The following ASAP1 variants were observed in gnomAD, a reference collection of about 807,000 sequenced individuals.
ASAP1 encodes the protein arf-GAP with SH3 domain, ANK repeat and PH domain-containing protein 1.
Under a neutral mutation model 145.2 loss-of-function variants are expected in ASAP1, and 43 were observed. That is an observed-to-expected ratio of 0.30 (90% CI 0.23 to 0.38). The LOEUF (loss-of-function observed/expected upper bound fraction) is 0.38, where lower values mean the gene tolerates loss of function less well. Ranked by LOEUF, ASAP1 falls within the 10% of genes least tolerant of loss-of-function variation. The pLI, the probability that ASAP1 is intolerant of heterozygous loss-of-function variation, is 1.00. For synonymous variants in ASAP1, 546 were observed against 515.5 expected (o/e 1.06, Z -0.80); for missense variants, 1,018 against 1,355.3 (o/e 0.75, Z 3.91).
chr8:130,389,563 G>A (rs768319798), intron 2 of ASAP1, among the ~76,000 whole-genome samples: 1 of 152,148 alleles, frequency 6.6e-6, no homozygotes, highest in Non-Finnish European at 1.5e-5. Context: ...TATACTCCAA[G>A]AAACCCCAGT....
chr8:130,441,519 G>A (rs1469249713), intron 1 of ASAP1, among the ~76,000 whole-genome samples: 1 of 152,202 alleles, frequency 6.6e-6, no homozygotes, highest in African/African-American at 2.4e-5. Context: ...CTGAGACCTA[G>A]GTGGGGAAAT....
intron 2 of ASAP1, among the ~76,000 whole-genome samples, chr8:130,374,470 G>A (rs1272469255): frequency 6.6e-6 from 1 of 152,202 alleles, no homozygotes; most frequent in Non-Finnish European, 1.5e-5. Flanking sequence ...AAAAGTTCAA[G>A]ACTAGGCCGG....
At chr8:130,172,168 C>T (rs754037322) in intron 9 of ASAP1, among the ~76,000 whole-genome samples, 4 of 152,158 alleles carry the variant, frequency 2.6e-5, no homozygotes, top group Non-Finnish European at 4.4e-5. Context: ...TTAGCATGTG[C>T]TCAAGAAATC....
At chr8:130,373,116 A>ACACG in intron 2 of ASAP1, among the ~76,000 whole-genome samples, 1 of 68,820 alleles carries the variant, frequency 1.5e-5, no homozygotes, top group Non-Finnish European at 3.1e-5. Flanking sequence ...ACATATACAC[A>ACACG]CACACACACA....
chr8:130,071,317 A>G (rs986362415), intron 27 of ASAP1, among the ~76,000 whole-genome samples: 3 of 152,172 alleles, frequency 2.0e-5, no homozygotes, highest in Non-Finnish European at 4.4e-5. Context: ...AACTGTAACC[A>G]TGTTTTTAAA....
intron 4 of ASAP1, among the ~76,000 whole-genome samples, chr8:130,228,043 T>C (rs912448688): frequency 6.6e-6 from 1 of 152,164 alleles, no homozygotes; most frequent in Non-Finnish European, 1.5e-5. Context: ...CCCCTTTGGG[T>C]ATAAACAGTG....
At chr8:130,169,131 T>A (rs1444214575) in intron 9 of ASAP1, 64 bp from the exon 10 acceptor site, 1 of 1,044,194 alleles carries the variant, frequency 9.6e-7, no homozygotes, top group Non-Finnish European at 1.4e-6. Context: ...TGTTTCCTTA[T>A]GTGGAAATAA....
intron 5 of ASAP1, among the ~76,000 whole-genome samples, chr8:130,208,022 C>T (rs72722381): frequency 0.035 from 5,277 of 152,258 alleles, 124 homozygotes; most frequent in Middle Eastern, 0.065. Context: ...ACAATGTATA[C>T]TAAACACTTT....
intron 1 of ASAP1, among the ~76,000 whole-genome samples, chr8:130,432,587 G>A (rs1227449939): frequency 6.6e-6 from 1 of 152,038 alleles, no homozygotes; most frequent in African/African-American, 2.4e-5. Flanking sequence ...GTAGGTGCTT[G>A]GTGTCTCATT....
intron 3 of ASAP1, among the ~76,000 whole-genome samples, chr8:130,327,924 G>A (rs937362027): frequency 6.6e-6 from 1 of 152,118 alleles, no homozygotes; most frequent in South Asian, 2.1e-4. Context: ...TTTAAATGAT[G>A]GTTTGGTAGA....
intron 3 of ASAP1, among the ~76,000 whole-genome samples, chr8:130,350,176 A>G (rs1825916969): frequency 6.6e-6 from 1 of 152,216 alleles, no homozygotes; most frequent in African/African-American, 2.4e-5. Flanking sequence ...AGCAAGATCC[A>G]GTTCCAAACT....
At chr8:130,164,282 T>C (rs562027560) in intron 11 of ASAP1, among the ~76,000 whole-genome samples, 67 of 152,318 alleles carry the variant, frequency 4.4e-4, no homozygotes, top group African/African-American at 1.5e-3. Flanking sequence ...ATATGACTTA[T>C]CACCATTTAA....
chr8:130,272,361 G>A lies in ASAP1; in HGVS notation c.187-35367C>T, dbSNP rs144325231. Among the ~76,000 whole-genome samples, 73 of 152,204 alleles carry A rather than the reference G, an allele frequency of 4.8e-4. 1 individual carries two copies. In the East Asian group the frequency reaches 0.012, roughly 26 times the overall value. On this transcript the variant is annotated intron_variant, in intron 3 of 29. Transcript: ENST00000518721. ...ACAAAACCCCTATGTTGGCGAGGAC[G>A]TGGAAAAAAGGTAACTCTACACATC...
At chr8:130,322,353 T>C (rs1824060091) in intron 3 of ASAP1, among the ~76,000 whole-genome samples, 1 of 152,160 alleles carries the variant, frequency 6.6e-6, no homozygotes, top group African/African-American at 2.4e-5. Context: ...TTCCTTCTCT[T>C]AGATGCAAAT....
intron 13 of ASAP1, among the ~76,000 whole-genome samples, chr8:130,151,589 G>C (rs1035229084): frequency 2.0e-5 from 3 of 152,140 alleles, no homozygotes; most frequent in African/African-American, 7.2e-5. Flanking sequence ...TTCCTCCGAA[G>C]AATCACTGAA....
chr8:130,068,063 G>T (rs1032728219), intron 27 of ASAP1, among the ~76,000 whole-genome samples: 22 of 152,158 alleles, frequency 1.4e-4, no homozygotes, highest in Admixed American at 6.5e-5. Flanking sequence ...GTCACCCAGG[G>T]TATGAAGCCA....
At position 130,132,725 on chromosome 8, in the gene ASAP1, A is replaced by G. The variant is rs536871058; in HGVS notation, c.1217+1571T>C. Among the ~76,000 whole-genome samples, 3 of 152,362 alleles carry G rather than the reference A, an allele frequency of 2.0e-5. No individual in the cohort carries two copies. The South Asian group carries it at 6.2e-4, about 32-fold the overall frequency. On this transcript the variant is annotated intron_variant, in intron 15 of 29. Coordinates refer to ENST00000518721, the MANE Select transcript of ASAP1 (RefSeq NM_018482.4). ...TAATGTTGTATTCTCAAGGCTTTGC[A>G]TAGCCTTGGCATACAGCTGGCATTC...
chr8:130,240,038 T>C (rs951160364), intron 3 of ASAP1, among the ~76,000 whole-genome samples: 3 of 152,154 alleles, frequency 2.0e-5, no homozygotes, highest in African/African-American at 7.2e-5. Context: ...AAAGGATGGC[T>C]GTAGTCTAAC....
At chr8:130,328,912 G>A (rs1824509831) in intron 3 of ASAP1, among the ~76,000 whole-genome samples, 2 of 152,100 alleles carry the variant, frequency 1.3e-5, no homozygotes, top group African/African-American at 2.4e-5. Context: ...TTACAGACAT[G>A]GGTCTGTATA....
Sources: gnomAD v4.1 joint callset for allele counts (sites outside exome capture counted in the v4.1 genomes callset) on GRCh38, gnomAD v4.1.1 for gene constraint, MANE v1.5 for transcripts, NCBI Gene and HGNC (gene_info 2026-07-23, HGNC 2026-07-21) for gene names.